Variants in SIL1 observed in about 807,000 individuals in gnomAD.
SIL1 encodes nucleotide exchange factor SIL1.
In SIL1, 40 loss-of-function variants were observed where a neutral mutation model predicts 49.1. That is an observed-to-expected ratio of 0.81 (90% CI 0.63 to 1.06). The LOEUF is 1.06. Ranked by LOEUF, SIL1 falls within the 50% of genes least tolerant of loss-of-function variation. The pLI, the probability that SIL1 is intolerant of heterozygous loss-of-function variation, is 0.00. For synonymous variants in SIL1, 253 were observed against 250.8 expected, an observed-to-expected ratio of 1.01 and a Z score of -0.08; for missense variants, 500 against 572.6, an observed-to-expected ratio of 0.87 and a Z score of 1.29.
At chr5:139,054,811 C>A (rs1377523929) in intron 3 of SIL1, among the ~76,000 whole-genome samples, 1 of 152,132 alleles carries the variant, frequency 6.6e-6, no homozygotes, top group Non-Finnish European at 1.5e-5. Context: ...GCAACCACAA[C>A]AGCATTAACT....
At chr5:139,102,268 T>C (rs1313885361) in intron 3 of SIL1, among the ~76,000 whole-genome samples, 2 of 152,196 alleles carry the variant, frequency 1.3e-5, no homozygotes, top group African/African-American at 4.8e-5. Flanking sequence ...TAACTTTCAG[T>C]CTCCATTTCT....
rs767706941 is a variant in SIL1 at position 138,951,806 on chromosome 5, C to A, written c.846G>T (p.Pro282=). The A allele has an allele frequency of 6.2e-7, 1 of 1,613,970 alleles. No homozygotes were observed. The highest frequency in any genetic ancestry group is 2.2e-5 in the East Asian group (1 of 44,880). ...KLLVILATEQ[P]LTAKKKVLFA... ...AACACACCTTCTTCTTTGCAGTGAG[C>A]GGCTGCTCCGTGGCCAGGATGACCA... The change falls in exon 8 of 10, where the codon CCG becomes CCT. Residue 282 remains proline (P), a synonymous_variant. Transcript: ENST00000394817.
At chr5:139,030,162 C>T (rs1317864873) in intron 5 of SIL1, among the ~76,000 whole-genome samples, 5 of 151,752 alleles carry the variant, frequency 3.3e-5, no homozygotes, top group Non-Finnish European at 4.4e-5. Flanking sequence ...ACAAAAAACA[C>T]AAAAATTATT....
chr5:139,110,033 G>A (rs1770808479), intron 3 of SIL1, among the ~76,000 whole-genome samples: 1 of 152,012 alleles, frequency 6.6e-6, no homozygotes. Flanking sequence ...GCCAGGCATG[G>A]TGGCACGCGC....
At chr5:139,162,569 G>A (rs1751533758) in intron 1 of SIL1, among the ~76,000 whole-genome samples, 1 of 152,164 alleles carries the variant, frequency 6.6e-6, no homozygotes, top group African/African-American at 2.4e-5. Context: ...GAGCACAATA[G>A]TTAATGAATA....
chr5:139,027,907 T>C (rs1212752808), intron 5 of SIL1, among the ~76,000 whole-genome samples: 1 of 152,110 alleles, frequency 6.6e-6, no homozygotes, highest in East Asian at 1.9e-4. Flanking sequence ...AAGCACTCCA[T>C]AGAAACACCA....
At chr5:139,018,779 T>TC (rs1768456631) in intron 7 of SIL1, among the ~76,000 whole-genome samples, 1 of 152,198 alleles carries the variant, frequency 6.6e-6, no homozygotes, top group South Asian at 2.1e-4. Context: ...TACCATCTTG[T>TC]CACTGACAGG....
intron 2 of SIL1, among the ~76,000 whole-genome samples, chr5:139,126,823 T>C (rs897311038): frequency 6.6e-6 from 1 of 152,178 alleles, no homozygotes; most frequent in African/African-American, 2.4e-5. Context: ...TTCATCACAA[T>C]TGTCATTTGC....
chr5:138,956,307 G>A (rs1223538020), intron 7 of SIL1, among the ~76,000 whole-genome samples: 1 of 152,192 alleles, frequency 6.6e-6, no homozygotes, highest in Non-Finnish European at 1.5e-5. Context: ...GCCCCACCTT[G>A]CTTATGCCTT....
At chr5:138,951,066 C>T in intron 9 of SIL1, 105 bp downstream of exon 9, 1 of 1,321,054 alleles carries the variant, frequency 7.6e-7, no homozygotes. Context: ...GAAGCACACA[C>T]AAAGCAAACA....
At chr5:138,985,426 C>A (rs953353081) in intron 7 of SIL1, among the ~76,000 whole-genome samples, 1 of 152,212 alleles carries the variant, frequency 6.6e-6, no homozygotes, top group East Asian at 1.9e-4. Context: ...TGCAGCCTGA[C>A]TCACGGCAGC....
At chr5:139,086,343 T>C (rs1770220705) in intron 3 of SIL1, among the ~76,000 whole-genome samples, 1 of 151,712 alleles carries the variant, frequency 6.6e-6, no homozygotes. Context: ...ATGAGTTTCA[T>C]TTTTTTATTT....
chr5:138,983,107 G>A lies in SIL1; in HGVS notation c.768-31223C>T, dbSNP rs776414949. On this transcript the variant is annotated intron_variant, in intron 7 of 9. Coordinates refer to ENST00000394817, the MANE Select transcript of SIL1 (RefSeq NM_022464.5). ...CAGCAACTCAGGGGGGCTGAGGCAC[G>A]AGAATCACTTGAACCCAGAAGGCAG... Among the ~76,000 whole-genome samples the A allele has an allele frequency of 1.2e-4, 18 of 144,614 alleles. No individual in the cohort carries two copies. The East Asian group carries it at 3.2e-3, about 25-fold the overall frequency. The allele number at this position is 144,614 out of a possible 152,430, so 94.9% of individuals were successfully genotyped here.
rs1372679934 is a variant in SIL1 at position 139,008,378 on chromosome 5, G to T, written c.767+12793C>A. ...TTTTTCTTTATTAGTCTTGCTAGCG[G>T]TCTATCAATTTTGTTGATCCTTTCA... On this transcript the variant is annotated intron_variant, in intron 7 of 9. Transcript: ENST00000394817. Among the ~76,000 whole-genome samples, 7 of 133,352 alleles carry T rather than the reference G, an allele frequency of 5.2e-5. No individual in the cohort carries two copies. In the South Asian group the frequency reaches 1.8e-3, roughly 34 times the overall value. 87.5% of individuals were successfully genotyped at this position (133,352 alleles called of 152,430 possible).
intron 3 of SIL1, among the ~76,000 whole-genome samples, chr5:139,110,868 C>T (rs1215554121): frequency 1.3e-5 from 2 of 152,220 alleles, no homozygotes; most frequent in East Asian, 3.8e-4. Flanking sequence ...TTCACAAAGC[C>T]CCATGGGCCA....
chr5:138,997,088 G>A (rs1264594559), intron 7 of SIL1, among the ~76,000 whole-genome samples: 2 of 152,016 alleles, frequency 1.3e-5, no homozygotes, highest in Non-Finnish European at 2.9e-5. Context: ...ATGCAACACT[G>A]TGCCCAGCTA....
chr5:139,113,359 T>C (rs1770916994), intron 3 of SIL1, among the ~76,000 whole-genome samples: 1 of 152,022 alleles, frequency 6.6e-6, no homozygotes, highest in African/African-American at 2.4e-5. Flanking sequence ...CCTTTAAATC[T>C]ACTGGCTTGT....
At chr5:139,057,410 T>C (rs1185494796) in intron 3 of SIL1, among the ~76,000 whole-genome samples, 3 of 151,220 alleles carry the variant, frequency 2.0e-5, no homozygotes, top group South Asian at 2.1e-4. Context: ...CAGGGCTTCA[T>C]GTGCACATGG....
chr5:139,036,421 G>C (rs1768911945), intron 5 of SIL1, among the ~76,000 whole-genome samples: 1 of 152,074 alleles, frequency 6.6e-6, no homozygotes, highest in African/African-American at 2.4e-5. Context: ...CCCATTGCTT[G>C]TTTTTGTCAG....
Sources: gnomAD v4.1 joint callset for allele counts (sites outside exome capture counted in the v4.1 genomes callset) on GRCh38, gnomAD v4.1.1 for gene constraint, MANE v1.5 for transcripts, NCBI Gene and HGNC (gene_info 2026-07-23, HGNC 2026-07-21) for gene names.